OTUD5: variants seen among roughly 807,000 people sequenced by gnomAD.
OTUD5 encodes OTU deubiquitinase 5, also known as OTU domain-containing protein 5.
Under a neutral mutation model 36.3 loss-of-function variants are expected in OTUD5, and 2 were observed. The observed-to-expected ratio is 0.06, with a 90% CI of 0.02 to 0.17. OTUD5 has a LOEUF of 0.17. Among genes scored for constraint, OTUD5 ranks in the 10% least tolerant of loss-of-function variants. The pLI, the probability that OTUD5 is intolerant of heterozygous loss-of-function variation, is 1.00. For missense variants in OTUD5, 233 were observed against 512.3 expected (o/e 0.45, Z 5.26); for synonymous variants, 234 against 214.9 (o/e 1.09, Z -0.78).
chrX:48,957,643 A>G, upstream of OTUD5: 1 of 791,695 alleles, frequency 1.3e-6, no homozygotes, highest in South Asian at 6.1e-5. Flanking sequence ...TGAGGGGGCT[A>G]GTGTAGTGCG....
At chrX:48,943,960 A>G (rs1237869153) in intron 2 of OTUD5, among the ~76,000 whole-genome samples, 1 of 111,867 alleles carries the variant, frequency 8.9e-6, no homozygotes, top group Non-Finnish European at 1.9e-5. Flanking sequence ...GTCCCAAAGG[A>G]TATTATTTTC....
rs1468768397 is a variant in OTUD5 at position 48,957,444 on chromosome X, TGCC to T, written c.124_126del (p.Gly42del). 6.1e-6 allele frequency: 6 copies of T among 990,112 alleles called. No individual in the cohort carries two copies. The highest frequency in any genetic ancestry group is 9.9e-5 in the Admixed American group (2 of 20,138). The allele number at this position is 990,112 out of a possible 1,213,427, so 81.6% of individuals were successfully genotyped here. On this transcript the variant is annotated inframe_deletion, in exon 1 of 9. Coordinates refer to ENST00000376488, the MANE Select transcript of OTUD5 (RefSeq NM_001136157.2). ...TCGCGATCGCCGCCGCCCACGCCCG[TGCC>T]GCCGCCGCCCACGCCCACACCTCCG...
intron 2 of OTUD5, among the ~76,000 whole-genome samples, chrX:48,937,951 G>A (rs1557050274): frequency 8.9e-6 from 1 of 111,921 alleles, no homozygotes; most frequent in African/African-American, 3.3e-5. Flanking sequence ...GTCCTCTCCT[G>A]GCTCTCTACC....
At position 48,957,211 on chromosome X, in the gene OTUD5, CGCT is replaced by C. The variant is rs781987271; in HGVS notation, c.357_359del (p.Ala122del). 1.5e-5 allele frequency: 16 copies of C among 1,100,047 alleles called. No individual in the cohort carries two copies. 90.7% of individuals were successfully genotyped at this position (1,100,047 alleles called of 1,213,427 possible). ...CGCCCGCGGCACCCACACCCGCCGC[CGCT>C]GCGCCCAGCGCGTCGCCGGGACCGC... On this transcript the variant is annotated inframe_deletion, in exon 1 of 9. Transcript: ENST00000376488.
Position 48,934,618 on chromosome X carries a change from G to A in OTUD5, c.911-6C>T, listed in dbSNP as rs782013051. 4.1e-6 allele frequency: 5 copies of A among 1,210,997 alleles called. No homozygotes were observed. The highest frequency in any genetic ancestry group is 2.2e-5 in the Admixed American group (1 of 45,970). ...ATGGAATGTGTTGATGGGTTCTGCA[G>A]AGAAAGAGAAGGAGGGAGCATCCAC... On this transcript the variant is annotated splice_polypyrimidine_tract_variant and splice_region_variant and intron_variant, in intron 4 of 8. Transcript: ENST00000376488.
At chrX:48,934,167 T>C (rs1557049393) in intron 5 of OTUD5, among the ~76,000 whole-genome samples, 2 of 111,547 alleles carry the variant, frequency 1.8e-5, no homozygotes, top group Admixed American at 9.5e-5. Context: ...CATGCCAAGA[T>C]GCCCAGAGCA....
intron 1 of OTUD5, 86 bp downstream of exon 1, chrX:48,956,891 G>A (rs782414152): frequency 6.6e-5 from 64 of 974,814 alleles, no homozygotes; most frequent in Non-Finnish European, 8.4e-5. Context: ...CCCTTGGGGC[G>A]ATCTCAAACA....
intron 1 of OTUD5, among the ~76,000 whole-genome samples, chrX:48,949,778 AG>A (rs1209141188): frequency 9.1e-6 from 1 of 110,302 alleles, no homozygotes; most frequent in Non-Finnish European, 1.9e-5. Flanking sequence ...ACTTGAGTCC[AG>A]GAAGTGGAGG....
At chrX:48,938,039 G>A (rs1003603804) in intron 2 of OTUD5, among the ~76,000 whole-genome samples, 7 of 111,888 alleles carry the variant, frequency 6.3e-5, no homozygotes, top group Non-Finnish European at 1.1e-4. Context: ...AATTAATATC[G>A]AATTAACAAT....
chrX:48,957,468 CT>C lies in OTUD5; in HGVS notation c.102del (p.Gly35ValfsTer103). ...GPMPPAPRRGGGVGVGGGGTG... is the reference protein window; with the variant it reads ...GPMPPAPRRGXGVGVGGGGTG... ...GTGCCGCCGCCGCCCACGCCCACAC[CT>C]CCGCCGCGCCGCGGCGCCGGGGGCA... On this transcript the variant is annotated frameshift_variant, in exon 1 of 9. Coordinates refer to ENST00000376488, the MANE Select transcript of OTUD5 (RefSeq NM_001136157.2). LOFTEE classifies it high-confidence loss of function. 1 of 883,803 alleles carries C rather than the reference CT, an allele frequency of 1.1e-6. No individual in the cohort carries two copies. Among genetic ancestry groups the C allele is most frequent in the Non-Finnish European group, 1.4e-6 (1 of 717,922 alleles). 72.8% of individuals were successfully genotyped at this position (883,803 alleles called of 1,213,427 possible).
At chrX:48,935,755 G>A (rs183337977) in intron 2 of OTUD5, among the ~76,000 whole-genome samples, 2 of 109,627 alleles carry the variant, frequency 1.8e-5, no homozygotes, top group African/African-American at 6.6e-5. Flanking sequence ...CCTGGCCAAC[G>A]TGGTAAAACC....
Position 48,931,539 on chromosome X carries a change from G to T in OTUD5, c.1059+2925C>A, listed in dbSNP as rs139076822. On this transcript the variant is annotated intron_variant, in intron 5 of 8. Transcript: ENST00000376488. Reference sequence around the variant, plus strand: ...CACGCCTGTAATCCCAGCACTTTGGGAGGCCGAGGCGGGTGGATCACCTGA... The same window carrying T: ...CACGCCTGTAATCCCAGCACTTTGGTAGGCCGAGGCGGGTGGATCACCTGA... Among the ~76,000 whole-genome samples the T allele has an allele frequency of 2.9e-3, 321 of 111,947 alleles. 2 individuals carry two copies. Among genetic ancestry groups the T allele is most frequent in the Non-Finnish European group, 1.8e-3 (98 of 53,139 alleles).
chrX:48,957,728 A>AGGCGGCGGC (rs1156647335), upstream of OTUD5: 13 of 663,579 alleles, frequency 2.0e-5, no homozygotes, highest in African/African-American at 3.4e-4. Flanking sequence ...GCGGCGGAGG[A>AGGCGGCGGC]GGCGGCGGCG....
chrX:48,937,039 T>C (rs950934471), intron 2 of OTUD5, among the ~76,000 whole-genome samples: 2 of 111,174 alleles, frequency 1.8e-5, no homozygotes, highest in Non-Finnish European at 3.8e-5. Context: ...ATAGGGCCCA[T>C]GTTTGTCTCC....
chrX:48,926,161 G>A (rs1287187086), intron 5 of OTUD5, 111 bp from the exon 6 acceptor site: 5 of 542,859 alleles, frequency 9.2e-6, no homozygotes, highest in Middle Eastern at 5.1e-4. Context: ...AAGGAGACAG[G>A]AAAGCAGGTA....
chrX:48,922,857 T>C lies in OTUD5; in HGVS notation c.*317A>G, dbSNP rs975639100. 1.7e-5 allele frequency: 14 copies of C among 839,690 alleles called. No individual in the cohort carries two copies. In the African/African-American group the frequency reaches 2.4e-4, roughly 14 times the overall value. The allele number at this position is 839,690 out of a possible 1,213,427, so 69.2% of individuals were successfully genotyped here. On this transcript the variant is annotated 3_prime_UTR_variant, in exon 9 of 9. Transcript: ENST00000376488. ...TCCTCTGGGGCTGCCTGGCTGCCAG[T>C]TGGTCTGTCTCTGTGTGCCTCTTGT...
intron 1 of OTUD5, among the ~76,000 whole-genome samples, chrX:48,948,755 T>C (rs1200669669): frequency 9.0e-6 from 1 of 111,402 alleles, no homozygotes; most frequent in Non-Finnish European, 1.9e-5. Context: ...AGCTCAGCCA[T>C]AGATAAGTTT....
chrX:48,956,894 C>T, intron 1 of OTUD5, 83 bp downstream of exon 1: 1 of 993,825 alleles, frequency 1.0e-6, no homozygotes, highest in Non-Finnish European at 1.3e-6. Flanking sequence ...TTGGGGCGAT[C>T]TCAAACAGCC....
intron 1 of OTUD5, among the ~76,000 whole-genome samples, chrX:48,949,835 A>T (rs952744140): frequency 1.1e-4 from 12 of 110,732 alleles, no homozygotes; most frequent in Admixed American, 1.1e-3. Context: ...CCTGGGTGAC[A>T]GAGGCCAGCA....
Sources: allele counts gnomAD v4.1 joint callset (sites outside exome capture counted in the v4.1 genomes callset), GRCh38; gene constraint gnomAD v4.1.1; transcripts MANE v1.5; gene names NCBI Gene and HGNC (gene_info 2026-07-23, HGNC 2026-07-21).